MOB1A: variants seen among roughly 807,000 people sequenced by gnomAD.
MOB1A encodes the protein MOB1 Mps One Binder homolog A.
In MOB1A, 10 loss-of-function variants were observed where a neutral mutation model predicts 25.1. That is an observed-to-expected ratio of 0.40 (90% CI 0.25 to 0.68). The LOEUF is 0.68. Ranked by LOEUF, MOB1A falls within the 30% of genes least tolerant of loss-of-function variation. The pLI is 0.40. For missense variants in MOB1A, 177 were observed against 256.3 expected, an observed-to-expected ratio of 0.69 and a Z score of 2.11; for synonymous variants, 81 against 79.5, an observed-to-expected ratio of 1.02 and a Z score of -0.10.
intron 1 of MOB1A, 101 bp downstream of exon 1, chr2:74,178,560 C>G: frequency 1.2e-6 from 1 of 853,536 alleles, no homozygotes; most frequent in East Asian, 3.3e-5. Context: ...CTACCCCGCC[C>G]CCGCCTCGGC....
Position 74,155,435 on chromosome 2 carries a change from A to ACACT in MOB1A, c.*1129_*1132dup, listed in dbSNP as rs1432106711. On this transcript the variant is annotated 3_prime_UTR_variant, in exon 6 of 6. Transcript: ENST00000396049. ...CCCATTTTGTTTCCTTTAAACACAT[A>ACACT]CACTCACTCACTCTCTCAAGAATAG... 6.6e-6 allele frequency: 1 copy of ACACT among 152,338 alleles called. No individual in the cohort carries two copies. Among genetic ancestry groups the ACACT allele is most frequent in the Non-Finnish European group, 1.5e-5 (1 of 67,864 alleles). The allele number at this position is 152,338 out of a possible 1,614,324, so 9.4% of individuals were successfully genotyped here. A position where few individuals can be genotyped will look rare whatever the true frequency, so the allele number is the denominator to read the frequency against.
rs1173379976 is a variant in MOB1A, at chr2:74,159,210, G to A, written c.454C>T (p.Leu152=). The change falls in exon 5 of 6, where the codon CTA becomes TTA. Residue 152 remains leucine (L), a synonymous_variant. Coordinates refer to ENST00000396049, the MANE Select transcript of MOB1A (RefSeq NM_018221.5). The part of the protein sequence containing the change: ...KNFMSVAKTI[L]KRLFRVYAHI... ...GCATAAACCCTGAACAGACGCTTTA[G>A]AATAGTCTTTGCCACAGACATAAAG... is the stretch of plus-strand genomic sequence containing the variant. 1.9e-6 allele frequency: 3 copies of A among 1,613,918 alleles called. No homozygotes were observed. The highest frequency in any genetic ancestry group is 8.5e-7 in the Non-Finnish European group (1 of 1,179,848).
intron 4 of MOB1A, among the ~76,000 whole-genome samples, chr2:74,161,706 A>G (rs1437592974): frequency 6.6e-6 from 1 of 151,620 alleles, no homozygotes; most frequent in Non-Finnish European, 1.5e-5. Context: ...TGTAATCTCA[A>G]GCTCTTTGGG....
Position 74,152,764 on chromosome 2 carries a change from C to A in MOB1A, c.*3804G>T, listed in dbSNP as rs1038440618. On this transcript the variant is annotated 3_prime_UTR_variant, in exon 6 of 6. Coordinates refer to ENST00000396049, the MANE Select transcript of MOB1A (RefSeq NM_018221.5). ...CATTTAAAAATATTTTAGATGGTAA[C>A]CAAAACTAACTTACACAAACTATTT... The A allele has an allele frequency of 1.3e-5, 2 of 152,030 alleles. No homozygotes were observed. The highest frequency in any genetic ancestry group is 1.3e-4 in the Admixed American group (2 of 15,262). 9.4% of individuals were successfully genotyped at this position (152,030 alleles called of 1,614,324 possible).
intron 1 of MOB1A, among the ~76,000 whole-genome samples, chr2:74,177,737 ATAAC>A (rs1385931713): frequency 2.0e-5 from 3 of 152,240 alleles, no homozygotes; most frequent in Non-Finnish European, 4.4e-5. Flanking sequence ...GATTACATCC[ATAAC>A]TAAAATTGGA....
intron 2 of MOB1A, among the ~76,000 whole-genome samples, chr2:74,172,363 A>C (rs1051156285): frequency 4.6e-5 from 7 of 152,170 alleles, no homozygotes; most frequent in African/African-American, 1.7e-4. Flanking sequence ...GAAATTGCCC[A>C]AAAGCACTCA....
At chr2:74,171,929 A>G (rs944528604) in intron 2 of MOB1A, among the ~76,000 whole-genome samples, 4 of 152,190 alleles carry the variant, frequency 2.6e-5, no homozygotes, top group African/African-American at 9.7e-5. Flanking sequence ...ATAAATAAAT[A>G]AAAAGTTTTA....
At chr2:74,172,250 T>G (rs1693313981) in intron 2 of MOB1A, among the ~76,000 whole-genome samples, 1 of 152,350 alleles carries the variant, frequency 6.6e-6, no homozygotes, top group South Asian at 2.1e-4. Context: ...GAAGTAAAAC[T>G]GTAGATGGAT....
intron 1 of MOB1A, among the ~76,000 whole-genome samples, chr2:74,175,179 T>C (rs57149044): frequency 0.013 from 2,001 of 152,322 alleles, 34 homozygotes; most frequent in African/African-American, 0.046. Flanking sequence ...GGGATCTAAA[T>C]TGCATGTGCC....
At chr2:74,174,810 A>G (rs536171899) in intron 1 of MOB1A, among the ~76,000 whole-genome samples, 169 of 152,390 alleles carry the variant, frequency 1.1e-3, no homozygotes, top group Non-Finnish European at 2.0e-3. Flanking sequence ...CTCGTTAAGA[A>G]TATAAGGAAT....
chr2:74,156,607 A>C lies in MOB1A; in HGVS notation c.612T>G (p.Leu204=), dbSNP rs368065391. ...ATCCAAGTTTCTCTATTAATTCTTG[A>C]AGAGGTGCCAGCTCACGCCTATCAA... The part of the protein sequence containing the change: ...NLIDRRELAP[L]QELIEKLGSK... The change falls in exon 6 of 6, where the codon CTT becomes CTG. Residue 204 remains leucine (L), a synonymous_variant. Coordinates refer to ENST00000396049, the MANE Select transcript of MOB1A (RefSeq NM_018221.5). 12 of 1,555,666 alleles carry C rather than the reference A, an allele frequency of 7.7e-6. No individual in the cohort carries two copies. The highest frequency in any genetic ancestry group is 7.0e-6 in the Non-Finnish European group (8 of 1,148,758).
intron 1 of MOB1A, among the ~76,000 whole-genome samples, chr2:74,176,580 C>T (rs1047742196): frequency 1.3e-5 from 2 of 151,600 alleles, no homozygotes; most frequent in Non-Finnish European, 2.9e-5. Flanking sequence ...TTGGCTAACA[C>T]GGTGAAACCC....
chr2:74,173,220 TA>T (rs1208818955), intron 1 of MOB1A: 1 of 517,934 alleles, frequency 1.9e-6, no homozygotes, highest in Non-Finnish European at 3.9e-6. Context: ...CCCCTGCCTG[TA>T]AAAGCAAGAT....
At chr2:74,167,442 G>C (rs1693163231) in intron 2 of MOB1A, among the ~76,000 whole-genome samples, 1 of 152,060 alleles carries the variant, frequency 6.6e-6, no homozygotes, top group African/African-American at 2.4e-5. Flanking sequence ...GTAGAGACAG[G>C]GTTTCACCAT....
At chr2:74,162,820 A>C (rs1693012256) in intron 4 of MOB1A, among the ~76,000 whole-genome samples, 1 of 152,172 alleles carries the variant, frequency 6.6e-6, no homozygotes, top group African/African-American at 2.4e-5. Context: ...AATGACAAGG[A>C]GTGATTTCAT....
chr2:74,172,805 G>T (rs1056834471), intron 1 of MOB1A, 53 bp from the exon 2 acceptor site: 2 of 1,533,838 alleles, frequency 1.3e-6, no homozygotes, highest in African/African-American at 2.7e-5. Context: ...AAGTAGAACA[G>T]GTAGAACAAC....
chr2:74,156,643 C>G lies in MOB1A; in HGVS notation c.576G>C (p.Glu192Asp). 1 of 1,549,072 alleles carries G rather than the reference C, an allele frequency of 6.5e-7. No individual in the cohort carries two copies. Among genetic ancestry groups the G allele is most frequent in the Non-Finnish European group, 8.7e-7 (1 of 1,144,784 alleles). Residue 192 changes from glutamate (E) to aspartate (D), a missense_variant and splice_region_variant, in exon 6 of 6, where the codon GAG becomes GAC. Coordinates refer to ENST00000396049, the MANE Select transcript of MOB1A (RefSeq NM_018221.5). ...GCTCACGCCTATCAATCAGATTAAA[C>G]TCCTAAAAAGAGAAGAAAAATAACA... Reference protein sequence around the residue: ...SFKHFIFFVQEFNLIDRRELA... With the variant: ...SFKHFIFFVQDFNLIDRRELA...
chr2:74,172,626 C>A lies in MOB1A; in HGVS notation c.141G>T (p.Leu47Phe). 6.2e-7 allele frequency: 1 copy of A among 1,613,896 alleles called. No individual in the cohort carries two copies. The highest frequency in any genetic ancestry group is 8.5e-7 in the Non-Finnish European group (1 of 1,179,834). ...ATTCATTGAGATCCTCTCCCTCAGG[C>A]AACATAACAGCTTGTCTCAGATTCC... is the stretch of plus-strand genomic sequence containing the variant. Reference protein sequence around the residue: ...GSGNLRQAVMLPEGEDLNEWI... With the variant: ...GSGNLRQAVMFPEGEDLNEWI... The change falls in exon 2 of 6, where the codon TTG (leucine) becomes TTT (phenylalanine). Residue 47 changes from leucine (L) to phenylalanine (F), a missense_variant. Physicochemically the swap from Leu to Phe is conservative, Grantham distance 22 (BLOSUM62 0). Transcript: ENST00000396049.
At chr2:74,176,083 T>TACACACACACACACAC (rs58496712) in intron 1 of MOB1A, among the ~76,000 whole-genome samples, 88 of 129,320 alleles carry the variant, frequency 6.8e-4, no homozygotes, top group African/African-American at 2.1e-3. Flanking sequence ...CCGCCTCTAC[T>TACACACACACACACAC]ACACACACAC....
Sources: gnomAD v4.1 joint callset for allele counts (sites outside exome capture counted in the v4.1 genomes callset) on GRCh38, gnomAD v4.1.1 for gene constraint, MANE v1.5 for transcripts, NCBI Gene and HGNC (gene_info 2026-07-23, HGNC 2026-07-21) for gene names.